The following SNTG1 variants were observed in gnomAD, a reference collection of about 807,000 sequenced individuals.
The protein encoded by SNTG1 is gamma-1-syntrophin.
SNTG1 carries 39 observed loss-of-function variants against 74.7 expected under a neutral mutation model. That is an observed-to-expected ratio of 0.52 (90% CI 0.40 to 0.68). SNTG1 has a LOEUF of 0.68. Among genes scored for constraint, SNTG1 ranks in the 30% least tolerant of loss-of-function variants. The probability of loss-of-function intolerance (pLI) is 0.00; values close to 1 mark genes in which losing one functional copy is unlikely to be tolerated. For missense variants in SNTG1, 685 were observed against 609.5 expected (o/e 1.12, Z -1.30); for synonymous variants, 254 against 217.1 (o/e 1.17, Z -1.49).
At chr8:50,274,061 GA>G (rs1384565324) in intron 2 of SNTG1, among the ~76,000 whole-genome samples, 2 of 151,972 alleles carry the variant, frequency 1.3e-5, no homozygotes, top group African/African-American at 4.8e-5. Flanking sequence ...GAGCACAACT[GA>G]ATTTTGTGTG....
chr8:50,330,139 A>G (rs1363326182), intron 2 of SNTG1, among the ~76,000 whole-genome samples: 1 of 152,142 alleles, frequency 6.6e-6, no homozygotes. Context: ...GAAGTAATTG[A>G]ATCATGGGGG....
chr8:50,656,356 A>G (rs1164895991), intron 13 of SNTG1, among the ~76,000 whole-genome samples: 9 of 152,180 alleles, frequency 5.9e-5, no homozygotes, highest in Non-Finnish European at 1.3e-4. Flanking sequence ...CATTTGATAT[A>G]TGAATACACT....
At chr8:50,312,803 C>A (rs1021747930) in intron 2 of SNTG1, among the ~76,000 whole-genome samples, 1 of 149,858 alleles carries the variant, frequency 6.7e-6, no homozygotes, top group Non-Finnish European at 1.5e-5. Context: ...CTTCACTGGG[C>A]GTATGTTAAC....
At chr8:50,534,290 G>C (rs1372409639) in intron 10 of SNTG1, among the ~76,000 whole-genome samples, 1 of 152,060 alleles carries the variant, frequency 6.6e-6, no homozygotes, top group African/African-American at 2.4e-5. Context: ...TGTGTGCACT[G>C]GGGTTCTGGG....
intron 1 of SNTG1, among the ~76,000 whole-genome samples, chr8:50,046,568 C>A (rs1343954281): frequency 6.6e-6 from 1 of 152,136 alleles, no homozygotes; most frequent in Non-Finnish European, 1.5e-5. Context: ...CCACCCCATT[C>A]TAGCGTGAAT....
At chr8:49,931,332 T>A (rs1342703403) in intron 1 of SNTG1, among the ~76,000 whole-genome samples, 3 of 152,126 alleles carry the variant, frequency 2.0e-5, no homozygotes, top group African/African-American at 4.8e-5. Context: ...CTTGCACATA[T>A]ACACCTAAAT....
intron 11 of SNTG1, among the ~76,000 whole-genome samples, chr8:50,542,159 G>GTT (rs756982153): frequency 2.7e-5 from 3 of 109,336 alleles, no homozygotes; most frequent in Admixed American, 1.9e-4. Flanking sequence ...CTTTCTTTCT[G>GTT]TTTTTTTTTT....
intron 1 of SNTG1, among the ~76,000 whole-genome samples, chr8:50,121,012 T>C (rs2080981106): frequency 7.0e-6 from 1 of 142,142 alleles, no homozygotes; most frequent in Admixed American, 7.3e-5. Flanking sequence ...CCATATTTCA[T>C]TATCATATCA....
intron 1 of SNTG1, among the ~76,000 whole-genome samples, chr8:50,131,545 TAC>T (rs951863879): frequency 2.6e-5 from 4 of 151,824 alleles, no homozygotes; most frequent in African/African-American, 9.7e-5. Flanking sequence ...TACATATGTG[TAC>T]ACACACACAC....
rs981229291 is a variant in SNTG1 at position 50,066,216 on chromosome 8, CAA to C, written c.-102-106334_-102-106333del. Among the ~76,000 whole-genome samples the C allele has an allele frequency of 9.9e-5, 14 of 141,382 alleles. No homozygotes were observed. The Admixed American group carries it at 9.9e-4, about 10-fold the overall frequency. The allele number at this position is 141,382 out of a possible 152,430, so 92.8% of individuals were successfully genotyped here. On this transcript the variant is annotated intron_variant, in intron 1 of 18. Coordinates refer to ENST00000642720, the MANE Select transcript of SNTG1 (RefSeq NM_018967.5). The stretch of plus-strand genomic sequence containing the variant: ...GGTAACAAAAGCAAAAGCTCCATCT[CAA>C]AAAAAAAAAATTAAGTAAACCCCAC...
At chr8:50,446,897 A>G (rs901864574) in intron 5 of SNTG1, among the ~76,000 whole-genome samples, 2 of 152,234 alleles carry the variant, frequency 1.3e-5, no homozygotes, top group East Asian at 3.8e-4. Context: ...CTTACACTGC[A>G]TATAACATAT....
chr8:50,393,151 C>A (rs938914569), intron 2 of SNTG1, among the ~76,000 whole-genome samples: 4 of 151,960 alleles, frequency 2.6e-5, no homozygotes, highest in Non-Finnish European at 5.9e-5. Context: ...CAAGATTTAT[C>A]TAGGGGAAAT....
chr8:50,365,732 A>G (rs1278659013), intron 2 of SNTG1, among the ~76,000 whole-genome samples: 3 of 152,164 alleles, frequency 2.0e-5, no homozygotes, highest in Non-Finnish European at 4.4e-5. Flanking sequence ...ATTTTATGGT[A>G]TCTTCTTAAT....
intron 13 of SNTG1, among the ~76,000 whole-genome samples, chr8:50,639,325 C>T (rs796710285): frequency 3.3e-5 from 5 of 151,868 alleles, no homozygotes; most frequent in African/African-American, 9.6e-5. Context: ...TAATGCCTCA[C>T]TATGTTTTTA....
chr8:50,164,445 C>G (rs1400251740), intron 1 of SNTG1: 1 of 152,122 alleles, frequency 6.6e-6, no homozygotes, highest in Non-Finnish European at 1.5e-5. Flanking sequence ...AAAGCTCTAT[C>G]AGGCAATCTG....
Position 49,911,757 on chromosome 8 carries a change from C to CGCT in SNTG1, c.-574_-572dup, listed in dbSNP as rs1162994052. The stretch of plus-strand genomic sequence containing the variant: ...AGCTGCAGCCACAGGGACGGAACTA[C>CGCT]GCTGCCGCCGCCGCTGTCCTTGCCG... On this transcript the variant is annotated 5_prime_UTR_variant, in exon 1 of 19. Transcript: ENST00000642720. 6.6e-6 allele frequency: 1 copy of CGCT among 152,202 alleles called. No individual in the cohort carries two copies. The highest frequency in any genetic ancestry group is 1.5e-5 in the Non-Finnish European group (1 of 68,086). 9.4% of individuals were successfully genotyped at this position (152,202 alleles called of 1,614,324 possible).
chr8:50,664,711 G>A (rs1169707216), intron 15 of SNTG1, among the ~76,000 whole-genome samples: 2 of 152,116 alleles, frequency 1.3e-5, no homozygotes, highest in South Asian at 2.1e-4. Flanking sequence ...CTGAATTCAG[G>A]AGTACAGTTG....
intron 2 of SNTG1, among the ~76,000 whole-genome samples, chr8:50,375,748 C>G (rs957019107): frequency 6.6e-6 from 1 of 151,992 alleles, no homozygotes; most frequent in African/African-American, 2.4e-5. Flanking sequence ...TTGGAATTGA[C>G]CCCCATAACA....
At chr8:50,651,017 A>G (rs1245920921) in intron 13 of SNTG1, among the ~76,000 whole-genome samples, 1 of 152,144 alleles carries the variant, frequency 6.6e-6, no homozygotes, top group Non-Finnish European at 1.5e-5. Flanking sequence ...TTAAATTTTA[A>G]AAGTAACTTG....
Sources: allele counts gnomAD v4.1 joint callset (sites outside exome capture counted in the v4.1 genomes callset), GRCh38; gene constraint gnomAD v4.1.1; transcripts MANE v1.5; gene names NCBI Gene and HGNC (gene_info 2026-07-23, HGNC 2026-07-21).